FSIP1: variants seen among roughly 807,000 people sequenced by gnomAD.
FSIP1 encodes fibrous sheath interacting protein 1.
FSIP1 carries 65 observed loss-of-function variants against 60.9 expected under a neutral mutation model. The ratio of observed to expected loss-of-function variants is 1.07; its 90% confidence interval spans 0.87 to 1.31. FSIP1 has a LOEUF of 1.31. Ranked by LOEUF, FSIP1 falls within the 40% of genes most tolerant of loss-of-function variation. The probability of loss-of-function intolerance (pLI) is 0.00; values close to 1 mark genes in which losing one functional copy is unlikely to be tolerated. For missense variants in FSIP1, 675 were observed against 665.5 expected, an observed-to-expected ratio of 1.01 and a Z score of -0.16; for synonymous variants, 209 against 221.2, an observed-to-expected ratio of 0.94 and a Z score of 0.49.
intron 5 of FSIP1, among the ~76,000 whole-genome samples, chr15:39,763,327 G>C (rs1236522953): frequency 6.6e-6 from 1 of 152,146 alleles, no homozygotes; most frequent in Non-Finnish European, 1.5e-5. Flanking sequence ...TAATATTTCT[G>C]TTTTCAAAAA....
Position 39,663,197 on chromosome 15 carries a change from G to A in FSIP1, c.1189-44952C>T, listed in dbSNP as rs907107774. On this transcript the variant is annotated intron_variant, in intron 10 of 11. Coordinates refer to ENST00000350221, the MANE Select transcript of FSIP1 (RefSeq NM_152597.5). ...ATATAATAGTGACAAAATTTAATTCGACTTTTTCCTACTTGAAAACGAGTA... is the reference window on the plus strand; with the variant it reads ...ATATAATAGTGACAAAATTTAATTCAACTTTTTCCTACTTGAAAACGAGTA... 2.0e-5 allele frequency among the ~76,000 whole-genome samples: 3 copies of A among 151,858 alleles called. 1 individual carries two copies. The South Asian group carries it at 6.2e-4, about 32-fold the overall frequency.
At chr15:39,711,236 A>G (rs1055772855) in intron 10 of FSIP1, among the ~76,000 whole-genome samples, 2 of 152,198 alleles carry the variant, frequency 1.3e-5, no homozygotes, top group African/African-American at 2.4e-5. Flanking sequence ...TTTGGTGCCT[A>G]GTAAGGGCCC....
chr15:39,750,620 A>G (rs918875419), intron 5 of FSIP1, among the ~76,000 whole-genome samples: 2 of 151,896 alleles, frequency 1.3e-5, no homozygotes, highest in African/African-American at 2.4e-5. Flanking sequence ...ATCTTACCTC[A>G]TACACAAAAA....
chr15:39,686,796 A>G (rs1015767937), intron 10 of FSIP1, among the ~76,000 whole-genome samples: 1 of 152,222 alleles, frequency 6.6e-6, no homozygotes, highest in African/African-American at 2.4e-5. Context: ...ATTCCTCAAG[A>G]CTTGGGTGAC....
chr15:39,627,879 C>T (rs1891708291), intron 10 of FSIP1, among the ~76,000 whole-genome samples: 1 of 152,238 alleles, frequency 6.6e-6, no homozygotes, highest in Admixed American at 6.5e-5. Flanking sequence ...CACACTAAGA[C>T]ACAATAAGCA....
intron 10 of FSIP1, among the ~76,000 whole-genome samples, chr15:39,648,365 A>G (rs1892717129): frequency 6.6e-6 from 1 of 152,190 alleles, no homozygotes; most frequent in Non-Finnish European, 1.5e-5. Context: ...CTCACTAACA[A>G]TATATAATGT....
intron 5 of FSIP1, among the ~76,000 whole-genome samples, chr15:39,750,945 CAT>C: frequency 6.6e-6 from 1 of 151,832 alleles, no homozygotes; most frequent in East Asian, 1.9e-4. Flanking sequence ...AGCAAGAAAA[CAT>C]AGCCTGATTA....
intron 8 of FSIP1, among the ~76,000 whole-genome samples, chr15:39,732,794 C>T (rs181056777): frequency 1.4e-3 from 206 of 152,156 alleles, no homozygotes; most frequent in South Asian, 2.9e-3. Context: ...GGAAAGGGCA[C>T]ATTTGAAAAC....
At position 39,763,827 on chromosome 15, in the gene FSIP1, T is replaced by C. The variant is rs765923630; in HGVS notation, c.553A>G (p.Thr185Ala). 2.6e-6 allele frequency: 4 copies of C among 1,534,836 alleles called. No homozygotes were observed. In the East Asian group the frequency reaches 9.0e-5, roughly 35 times the overall value. The part of the protein sequence containing the change: ...FLSLTAVSEE[T>A]VGPSHEEEDT... ...GACATCTCCATCTACTCACCAACAG[T>C]TTCTTCAGAAACAGCAGTCAAAGAT... The change falls in exon 5 of 12, where the codon ACT becomes GCT. Residue 185 changes from threonine (T) to alanine (A), a missense_variant. Transcript: ENST00000350221.
At chr15:39,744,494 G>T (rs915828509) in intron 5 of FSIP1, among the ~76,000 whole-genome samples, 1 of 152,168 alleles carries the variant, frequency 6.6e-6, no homozygotes, top group African/African-American at 2.4e-5. Flanking sequence ...AGACACAAGT[G>T]ATACAGGTAT....
At chr15:39,688,125 C>T (rs2631700) in intron 10 of FSIP1, among the ~76,000 whole-genome samples, 115,254 of 152,106 alleles carry the variant, frequency 0.76, 44,893 homozygotes, top group Non-Finnish European at 0.87. Context: ...TCACTGCTGA[C>T]AAAATCAGAC....
rs1387064998 is a variant in FSIP1 at position 39,765,749 on chromosome 15, A to C, written c.311-3T>G. ...TAATTCTTTTAATTTGGGTTCATCTATATTGTGTTGAAAGTAAAAATAGGT... is the reference window on the plus strand; with the variant it reads ...TAATTCTTTTAATTTGGGTTCATCTCTATTGTGTTGAAAGTAAAAATAGGT... On this transcript the variant is annotated splice_region_variant and splice_polypyrimidine_tract_variant and intron_variant, in intron 3 of 11. Coordinates refer to ENST00000350221, the MANE Select transcript of FSIP1 (RefSeq NM_152597.5). 2 of 1,472,814 alleles carry C rather than the reference A, an allele frequency of 1.4e-6. No individual in the cohort carries two copies. Among genetic ancestry groups the C allele is most frequent in the African/African-American group, 2.9e-5 (2 of 70,076 alleles). The allele number at this position is 1,472,814 out of a possible 1,614,324, so 91.2% of individuals were successfully genotyped here.
At chr15:39,617,536 C>T (rs979884813) in intron 11 of FSIP1, among the ~76,000 whole-genome samples, 199 bp downstream of exon 11, 4 of 152,164 alleles carry the variant, frequency 2.6e-5, no homozygotes, top group African/African-American at 7.2e-5. Flanking sequence ...TCAAGAATAA[C>T]GTATTTCATA....
chr15:39,640,093 A>G (rs912118317), intron 10 of FSIP1, among the ~76,000 whole-genome samples: 2 of 152,198 alleles, frequency 1.3e-5, no homozygotes, highest in African/African-American at 2.4e-5. Flanking sequence ...ACTTGTGTTA[A>G]CCCCATGTAT....
intron 5 of FSIP1, among the ~76,000 whole-genome samples, chr15:39,758,408 C>G (rs904352166): frequency 6.6e-6 from 1 of 151,898 alleles, no homozygotes; most frequent in Admixed American, 6.6e-5. Flanking sequence ...AAAGCCCTAC[C>G]CACTAGAAAA....
chr15:39,730,473 G>T (rs1162016249), intron 8 of FSIP1, among the ~76,000 whole-genome samples: 1 of 152,196 alleles, frequency 6.6e-6, no homozygotes. Flanking sequence ...AGAGGGCAAA[G>T]AAACTTATTT....
chr15:39,765,232 A>C (rs1453327660), intron 4 of FSIP1, among the ~76,000 whole-genome samples: 2 of 147,794 alleles, frequency 1.4e-5, no homozygotes, highest in African/African-American at 5.0e-5. Flanking sequence ...ATCTTAGAGG[A>C]AATTCTTTCT....
chr15:39,681,141 T>C (rs78345922), intron 10 of FSIP1, among the ~76,000 whole-genome samples: 4,904 of 152,184 alleles, frequency 0.032, 253 homozygotes, highest in African/African-American at 0.11. Flanking sequence ...AAAAAAAAAT[T>C]GCATCATAGC....
intron 10 of FSIP1, among the ~76,000 whole-genome samples, chr15:39,653,154 T>C (rs1325472520): frequency 1.4e-5 from 2 of 138,398 alleles, no homozygotes; most frequent in African/African-American, 2.7e-5. Flanking sequence ...GTAGCCTGTG[T>C]GACGGAGCCA....
Sources: gnomAD v4.1 joint callset for allele counts (sites outside exome capture counted in the v4.1 genomes callset) on GRCh38, gnomAD v4.1.1 for gene constraint, MANE v1.5 for transcripts, NCBI Gene and HGNC (gene_info 2026-07-23, HGNC 2026-07-21) for gene names.